Variants in CNTLN observed in about 807,000 individuals in gnomAD.
CNTLN encodes the protein centlein.
CNTLN carries 212 observed loss-of-function variants against 180.0 expected under a neutral mutation model. That is an observed-to-expected ratio of 1.18 (90% CI 1.05 to 1.32). The LOEUF (loss-of-function observed/expected upper bound fraction) is 1.32. Ranked by LOEUF, CNTLN falls within the 40% of genes most tolerant of loss-of-function variation. The pLI is 0.00. For missense variants in CNTLN, 2,095 were observed against 1,610.9 expected, an observed-to-expected ratio of 1.30 and a Z score of -5.14; for synonymous variants, 722 against 563.1, an observed-to-expected ratio of 1.28 and a Z score of -3.99.
intron 25 of CNTLN, among the ~76,000 whole-genome samples, chr9:17,502,126 T>G (rs2134428299): frequency 6.6e-6 from 1 of 152,342 alleles, no homozygotes; most frequent in Non-Finnish European, 1.5e-5. Context: ...TTTTCGGCTC[T>G]AACGCAGACA....
At chr9:17,334,840 A>C (rs1240815406) in intron 10 of CNTLN, among the ~76,000 whole-genome samples, 1 of 151,798 alleles carries the variant, frequency 6.6e-6, no homozygotes, top group Non-Finnish European at 1.5e-5. Context: ...GATCAATAGA[A>C]GCCCAAACCT....
In CNTLN at chr9:17,264,946, A is replaced by G. The variant is rs916703675; in HGVS notation, c.850-8787A>G. On this transcript the variant is annotated intron_variant, in intron 5 of 25. Coordinates refer to ENST00000380647, the MANE Select transcript of CNTLN (RefSeq NM_017738.4). ...CAGCTTAAGGAGATTTGGGGCTGAG[A>G]CAATGGGGTTTTCTAGATATAGAAT... 3.4e-5 allele frequency among the ~76,000 whole-genome samples: 5 copies of G among 146,356 alleles called. 1 individual carries two copies. Among genetic ancestry groups the G allele is most frequent in the African/African-American group, 1.3e-4 (5 of 38,440 alleles).
At position 17,276,053 on chromosome 9, in the gene CNTLN, C is replaced by G. The variant is rs146945392; in HGVS notation, c.983+2187C>G. Reference sequence around the variant, plus strand: ...GATACTATATTTACCACCTGGGTAACAGGATCCATACCCCAAATGTCAGCA... The same window carrying G: ...GATACTATATTTACCACCTGGGTAAGAGGATCCATACCCCAAATGTCAGCA... On this transcript the variant is annotated intron_variant, in intron 6 of 25. Coordinates refer to ENST00000380647, the MANE Select transcript of CNTLN (RefSeq NM_017738.4). Among the ~76,000 whole-genome samples the G allele has an allele frequency of 5.0e-3, 763 of 152,190 alleles. 4 individuals are homozygous for G. The highest frequency in any genetic ancestry group is 0.017 in the African/African-American group (710 of 41,548).
rs1833843645 is a variant in CNTLN at position 17,503,250 on chromosome 9, T to C, written c.*598T>C. 6.6e-6 allele frequency: 1 copy of C among 152,294 alleles called. No homozygotes were observed. Among genetic ancestry groups the C allele is most frequent in the South Asian group, 2.1e-4 (1 of 4,840 alleles). 9.4% of individuals were successfully genotyped at this position (152,294 alleles called of 1,614,324 possible). On this transcript the variant is annotated 3_prime_UTR_variant, in exon 26 of 26. Coordinates refer to ENST00000380647, the MANE Select transcript of CNTLN (RefSeq NM_017738.4). ...AACAAAAACATTTTCTTCTTCTCTCTCTTAACTTCACAATACTATACGTTG... is the reference window on the plus strand; with the variant it reads ...AACAAAAACATTTTCTTCTTCTCTCCCTTAACTTCACAATACTATACGTTG...
chr9:17,332,867 T>C (rs958839668), intron 10 of CNTLN, 137 bp downstream of exon 10: 13 of 446,158 alleles, frequency 2.9e-5, no homozygotes, highest in African/African-American at 2.7e-4. Flanking sequence ...TATAATCAGT[T>C]CATCTTGTTA....
chr9:17,491,699 G>C (rs908136683), intron 25 of CNTLN, among the ~76,000 whole-genome samples: 2 of 151,828 alleles, frequency 1.3e-5, no homozygotes, highest in East Asian at 1.9e-4. Context: ...AGAATTTAAA[G>C]TAAAGACTTT....
intron 25 of CNTLN, among the ~76,000 whole-genome samples, chr9:17,491,967 G>A (rs1833185411): frequency 6.7e-6 from 1 of 150,298 alleles, no homozygotes; most frequent in Admixed American, 6.6e-5. Flanking sequence ...TTACTCTGTG[G>A]TTATTTCCTG....
rs1587480063 is a variant in CNTLN at position 17,282,868 on chromosome 9, T to C, written c.983+9002T>C. Among the ~76,000 whole-genome samples, 3 of 152,208 alleles carry C rather than the reference T, an allele frequency of 2.0e-5. No homozygotes were observed. In the South Asian group the frequency reaches 6.2e-4, roughly 31 times the overall value. ...GAATCCTTTCCCCATTGCTTGTTTTTGTCAGGTTTGTCAAAGATCAGATGG... is the reference window on the plus strand; with the variant it reads ...GAATCCTTTCCCCATTGCTTGTTTTCGTCAGGTTTGTCAAAGATCAGATGG... On this transcript the variant is annotated intron_variant, in intron 6 of 25. Coordinates refer to ENST00000380647, the MANE Select transcript of CNTLN (RefSeq NM_017738.4).
chr9:17,276,223 C>T (rs664447), intron 6 of CNTLN, among the ~76,000 whole-genome samples: 26,685 of 151,856 alleles, frequency 0.18, 2,641 homozygotes, highest in South Asian at 0.28. Flanking sequence ...TCTCTTGAAT[C>T]CTCATTATAG....
At chr9:17,161,859 A>T (rs7025248) in intron 2 of CNTLN, among the ~76,000 whole-genome samples, 2,887 of 152,260 alleles carry the variant, frequency 0.019, 58 homozygotes, top group African/African-American at 0.05. Flanking sequence ...CTGCAGATCC[A>T]TCCAGAGTTG....
Position 17,340,350 on chromosome 9 carries a change from C to T in CNTLN, c.1645-477C>T, listed in dbSNP as rs185635767. ...ACATAGGGTCCAATCTCATTTTCTT[C>T]CTTATGTGTAATCCTTGTGCCTTAG... On this transcript the variant is annotated intron_variant, in intron 10 of 25. Transcript: ENST00000380647. 5.2e-3 allele frequency among the ~76,000 whole-genome samples: 791 copies of T among 152,156 alleles called. 5 individuals carry two copies. Among genetic ancestry groups the T allele is most frequent in the Admixed American group, 8.3e-3 (126 of 15,264 alleles).
chr9:17,210,694 T>C (rs1409318928), intron 2 of CNTLN, among the ~76,000 whole-genome samples: 1 of 152,228 alleles, frequency 6.6e-6, no homozygotes, highest in African/African-American at 2.4e-5. Context: ...AAAATGTTCC[T>C]GTTTCTCCGC....
chr9:17,164,543 T>C (rs13286174), intron 2 of CNTLN, among the ~76,000 whole-genome samples: 2,757 of 145,904 alleles, frequency 0.019, 57 homozygotes, highest in African/African-American at 0.05. Context: ...CGGCTCACTG[T>C]GACCTCTGCC....
intron 25 of CNTLN, among the ~76,000 whole-genome samples, chr9:17,497,159 C>A (rs1007774356): frequency 6.6e-6 from 1 of 152,098 alleles, no homozygotes; most frequent in Non-Finnish European, 1.5e-5. Flanking sequence ...CAGCAGTAGT[C>A]TCTGATCTAT....
At chr9:17,398,976 A>T (rs1364985002) in intron 15 of CNTLN, among the ~76,000 whole-genome samples, 2 of 152,186 alleles carry the variant, frequency 1.3e-5, no homozygotes, top group African/African-American at 4.8e-5. Flanking sequence ...TTGAGTCCCT[A>T]ATGAGCCTGG....
chr9:17,193,701 C>T (rs1821938012), intron 2 of CNTLN, among the ~76,000 whole-genome samples: 1 of 152,150 alleles, frequency 6.6e-6, no homozygotes, highest in African/African-American at 2.4e-5. Flanking sequence ...GGTAGATTAC[C>T]ATTCTGGCAT....
chr9:17,163,296 A>G (rs1247974496), intron 2 of CNTLN, among the ~76,000 whole-genome samples: 1 of 152,216 alleles, frequency 6.6e-6, no homozygotes, highest in Non-Finnish European at 1.5e-5. Context: ...GCCAAACCAT[A>G]TTAGATGATA....
chr9:17,307,552 G>C (rs528240148), intron 7 of CNTLN, among the ~76,000 whole-genome samples: 39 of 152,154 alleles, frequency 2.6e-4, no homozygotes, highest in Admixed American at 1.8e-3. Context: ...TTACAGGCGT[G>C]AGCCACCTTC....
intron 8 of CNTLN, among the ~76,000 whole-genome samples, chr9:17,314,935 C>A (rs1371681216): frequency 6.6e-6 from 1 of 152,170 alleles, no homozygotes; most frequent in Admixed American, 6.5e-5. Context: ...CTATACAATG[C>A]AGTGAACTTA....
Sources: allele counts gnomAD v4.1 joint callset (sites outside exome capture counted in the v4.1 genomes callset), GRCh38; gene constraint gnomAD v4.1.1; transcripts MANE v1.5; gene names NCBI Gene and HGNC (gene_info 2026-07-23, HGNC 2026-07-21).